Variants in ADAMTS20 observed in about 807,000 individuals in gnomAD.
ADAMTS20 encodes A disintegrin and metalloproteinase with thrombospondin motifs 20.
A neutral mutation model predicts 260.1 loss-of-function variants in ADAMTS20; 225 were observed. That is an observed-to-expected ratio of 0.87 (90% CI 0.78 to 0.97). The LOEUF (loss-of-function observed/expected upper bound fraction) is 0.97. Ranked by LOEUF, ADAMTS20 falls within the 50% of genes least tolerant of loss-of-function variation. The probability of loss-of-function intolerance (pLI) is 0.00; values close to 1 mark genes in which losing one functional copy is unlikely to be tolerated. For synonymous variants in ADAMTS20, 802 were observed against 769.5 expected (o/e 1.04, Z -0.70); for missense variants, 2,400 against 2,337.7 (o/e 1.03, Z -0.55).
At chr12:43,514,833 T>G (rs1942977281) in intron 3 of ADAMTS20, among the ~76,000 whole-genome samples, 1 of 152,204 alleles carries the variant, frequency 6.6e-6, no homozygotes, top group African/African-American at 2.4e-5. Context: ...TATCATTTTG[T>G]TCTTTAAAGA....
intron 15 of ADAMTS20, among the ~76,000 whole-genome samples, chr12:43,445,159 GCTAATCAGAC>G (rs1941737429): frequency 6.6e-6 from 1 of 152,080 alleles, no homozygotes; most frequent in Non-Finnish European, 1.5e-5. Flanking sequence ...TGTGACAAAT[GCTAATCAGAC>G]CTTGCAAATG....
chr12:43,533,324 CAT>C, intron 2 of ADAMTS20, among the ~76,000 whole-genome samples: 1 of 151,690 alleles, frequency 6.6e-6, no homozygotes, highest in African/African-American at 2.4e-5. Flanking sequence ...AGCATTTCTT[CAT>C]GTGTTTTTTA....
At chr12:43,450,698 C>T (rs1278363255) in intron 14 of ADAMTS20, among the ~76,000 whole-genome samples, 1 of 148,794 alleles carries the variant, frequency 6.7e-6, no homozygotes, top group Non-Finnish European at 1.5e-5. Flanking sequence ...GGAATAAGTT[C>T]ATAACTTATA....
chr12:43,537,465 T>A (rs1256116815), intron 2 of ADAMTS20, among the ~76,000 whole-genome samples: 2 of 152,178 alleles, frequency 1.3e-5, no homozygotes, highest in African/African-American at 4.8e-5. Context: ...TCATGGGGAA[T>A]GGGATATCCA....
intron 3 of ADAMTS20, among the ~76,000 whole-genome samples, chr12:43,518,748 C>T (rs1943031463): frequency 6.6e-6 from 1 of 151,430 alleles, no homozygotes; most frequent in Non-Finnish European, 1.5e-5. Flanking sequence ...AATATTCCCT[C>T]CTGAACTTGT....
In ADAMTS20 at chr12:43,551,726, C is replaced by T. The variant is rs1943520333; in HGVS notation, c.91+105G>A. The T allele has an allele frequency of 2.5e-6, 3 of 1,195,710 alleles. No homozygotes were observed. 74.1% of individuals were successfully genotyped at this position (1,195,710 alleles called of 1,614,324 possible). A position where few individuals can be genotyped will look rare whatever the true frequency, so the allele number is the denominator to read the frequency against. On this transcript the variant is annotated intron_variant, in intron 1 of 38. Transcript: ENST00000389420. The surrounding 1 kb of genome is among the most constrained non-coding windows in gnomAD (Gnocchi z 4.6). The stretch of plus-strand genomic sequence containing the variant: ...GGGAGTCCCGGGAGCTCCAGCAGGG[C>T]CAGCGTTCCCCAACGGGCTGAGCCG...
intron 7 of ADAMTS20, among the ~76,000 whole-genome samples, chr12:43,472,754 A>G (rs1392163183): frequency 6.6e-6 from 1 of 151,590 alleles, no homozygotes; most frequent in Non-Finnish European, 1.5e-5. Context: ...TAAGTGAAGG[A>G]GAAATAAAAT....
intron 7 of ADAMTS20, among the ~76,000 whole-genome samples, chr12:43,483,742 T>A (rs748215715): frequency 2.6e-5 from 4 of 152,144 alleles, no homozygotes; most frequent in African/African-American, 4.8e-5. Flanking sequence ...AAGTCCTCAG[T>A]GCAGCTTCCC....
At chr12:43,460,988 A>AT (rs1161740021) in intron 11 of ADAMTS20, among the ~76,000 whole-genome samples, 595 of 26,394 alleles carry the variant, frequency 0.023, 56 homozygotes, top group Admixed American at 0.035. Context: ...ATATATATAT[A>AT]TTTTTTTTTT....
intron 3 of ADAMTS20, among the ~76,000 whole-genome samples, chr12:43,526,651 C>A (rs778678721): frequency 2.1e-4 from 32 of 152,128 alleles, no homozygotes; most frequent in Non-Finnish European, 4.3e-4. Context: ...ATAATAGTGA[C>A]ACAAGTTATC....
At chr12:43,496,276 T>A (rs1942676756) in intron 4 of ADAMTS20, among the ~76,000 whole-genome samples, 1 of 152,206 alleles carries the variant, frequency 6.6e-6, no homozygotes, top group Non-Finnish European at 1.5e-5. Flanking sequence ...TATTATAGTG[T>A]CCATTTTACA....
intron 2 of ADAMTS20, 92 bp from the exon 3 acceptor site, chr12:43,532,287 C>G: frequency 8.8e-7 from 1 of 1,133,002 alleles, no homozygotes; most frequent in South Asian, 1.7e-5. Context: ...CAGACAGAAG[C>G]AAAACAGCAA....
intron 26 of ADAMTS20, among the ~76,000 whole-genome samples, chr12:43,428,000 C>G (rs1941365091): frequency 6.6e-6 from 1 of 152,072 alleles, no homozygotes; most frequent in Admixed American, 6.5e-5. Flanking sequence ...ACAATGAATT[C>G]TAATCAGATT....
In ADAMTS20 at chr12:43,438,805, C is replaced by A. The variant is rs570160288; in HGVS notation, c.2593+817G>T. On this transcript the variant is annotated intron_variant, in intron 18 of 38. Transcript: ENST00000389420. ...ATGAAAACTTTTCTTCCATTCTATA[C>A]AAAATTCTCTATCTTCAGCTTCAGT... 1.1e-4 allele frequency among the ~76,000 whole-genome samples: 16 copies of A among 152,266 alleles called. No individual in the cohort carries two copies. In the South Asian group the frequency reaches 3.3e-3, roughly 32 times the overall value.
rs562713594 is a variant in ADAMTS20, at chr12:43,481,494, CAAGAA to C, written c.1117+8896_1117+8900del. Among the ~76,000 whole-genome samples the C allele has an allele frequency of 1.3e-4, 20 of 151,984 alleles. No individual in the cohort carries two copies. In the East Asian group the frequency reaches 3.7e-3, roughly 28 times the overall value. On this transcript the variant is annotated intron_variant, in intron 7 of 38. Transcript: ENST00000389420. ...AAGAGATTTTTATCTTGCAGTAAGA[CAAGAA>C]AAGAGTTATAAGGATTAAAGAAGAG...
chr12:43,416,677 C>A lies in ADAMTS20; in HGVS notation c.4284+8837G>T, dbSNP rs181979456. On this transcript the variant is annotated intron_variant, in intron 28 of 38. Transcript: ENST00000389420. ...CTGGGACTACAGGCGCCCGCCACCA[C>A]GCCCGGCTAATTTTTTTGGTATTTT... Among the ~76,000 whole-genome samples the A allele has an allele frequency of 1.3e-3, 205 of 152,136 alleles. 1 individual carries two copies. The East Asian group carries it at 0.021, about 15-fold the overall frequency.
intron 14 of ADAMTS20, among the ~76,000 whole-genome samples, chr12:43,450,484 A>T (rs1378502983): frequency 1.3e-5 from 2 of 152,290 alleles, no homozygotes; most frequent in African/African-American, 4.8e-5. Context: ...ATATGACTTT[A>T]TGCTGCTAAT....
intron 3 of ADAMTS20, among the ~76,000 whole-genome samples, chr12:43,507,883 G>A (rs933288616): frequency 2.0e-5 from 3 of 152,130 alleles, no homozygotes; most frequent in Non-Finnish European, 2.9e-5. Flanking sequence ...ATCTAATGCA[G>A]GAATGGAAAA....
chr12:43,499,107 C>T (rs968657537), intron 4 of ADAMTS20, among the ~76,000 whole-genome samples: 1 of 152,090 alleles, frequency 6.6e-6, no homozygotes, highest in Non-Finnish European at 1.5e-5. Flanking sequence ...TACAAAAACT[C>T]AAAGTATCTC....
Sources: gnomAD v4.1 joint callset for allele counts (sites outside exome capture counted in the v4.1 genomes callset) on GRCh38, gnomAD v4.1.1 for gene constraint, Gnocchi (gnomAD v3.1) non-coding constraint, MANE v1.5 for transcripts, NCBI Gene and HGNC (gene_info 2026-07-23, HGNC 2026-07-21) for gene names.